LTF: variants seen among roughly 807,000 people sequenced by gnomAD.
LTF encodes epididymis luminal protein 110.
Under a neutral mutation model 87.2 loss-of-function variants are expected in LTF, and 91 were observed. The observed-to-expected ratio is 1.04, with a 90% CI of 0.88 to 1.24. The LOEUF (loss-of-function observed/expected upper bound fraction) is 1.24. Ranked by LOEUF, LTF falls within the 50% of genes most tolerant of loss-of-function variation. The pLI is 0.00. For synonymous variants in LTF, 378 were observed against 356.1 expected, an observed-to-expected ratio of 1.06 and a Z score of -0.69; for missense variants, 901 against 904.3, an observed-to-expected ratio of 1.00 and a Z score of 0.05.
intron 2 of LTF, 139 bp downstream of exon 2, chr3:46,459,517 C>T: frequency 1.3e-6 from 1 of 775,674 alleles, no homozygotes; most frequent in Non-Finnish European, 1.8e-6. Context: ...GCACAGTTCC[C>T]TGTGAGAGAG....
rs963980145 is a variant in LTF at position 46,436,204 on chromosome 3, G to A, written c.2124C>T (p.Leu708=). The part of the protein sequence containing the change: ...TSPLLEACEF[L]RK Reference sequence around the variant, plus strand: ...GCCATCTTCTTCGGTTTTACTTCCTGAGGAATTCACAGGCTTCCAGGAGGG... The same window carrying A: ...GCCATCTTCTTCGGTTTTACTTCCTAAGGAATTCACAGGCTTCCAGGAGGG... Residue 708 remains leucine (L), a synonymous_variant, in exon 17 of 17, where the codon CTC becomes CTT. Coordinates refer to ENST00000231751, the MANE Select transcript of LTF (RefSeq NM_002343.6). 4.3e-6 allele frequency: 7 copies of A among 1,614,086 alleles called. No homozygotes were observed. The highest frequency in any genetic ancestry group is 1.3e-5 in the African/African-American group (1 of 74,946).
chr3:46,450,354 G>A, intron 7 of LTF, 141 bp downstream of exon 7: 2 of 880,120 alleles, frequency 2.3e-6, no homozygotes, highest in East Asian at 5.3e-5. Context: ...AGTACAGCCT[G>A]GGCAAGCAGC....
chr3:46,467,501 G>A (rs934827005), upstream of LTF, among the ~76,000 whole-genome samples: 4 of 152,158 alleles, frequency 2.6e-5, no homozygotes, highest in African/African-American at 9.7e-5. Context: ...ATTTCTACAG[G>A]TAGAGCATTC....
At chr3:46,473,904 G>T (rs1283974579) in intron 1 of LTF, among the ~76,000 whole-genome samples, 1 of 152,204 alleles carries the variant, frequency 6.6e-6, no homozygotes, top group Non-Finnish European at 1.5e-5. Flanking sequence ...AGTAGGCTGT[G>T]ATAAATCATG....
At chr3:46,441,591 C>A in intron 13 of LTF, 108 bp from the exon 14 acceptor site, 1 of 775,412 alleles carries the variant, frequency 1.3e-6, no homozygotes, top group Non-Finnish European at 2.2e-6. Flanking sequence ...AAGTAAACAT[C>A]TAAAAGACAA....
rs181572670 is a variant in LTF at position 46,451,550 on chromosome 3, T to G, written c.704-877A>C. 4.9e-3 allele frequency among the ~76,000 whole-genome samples: 746 copies of G among 151,400 alleles called. 6 individuals are homozygous for G. Among genetic ancestry groups the G allele is most frequent in the African/African-American group, 0.017 (700 of 41,244 alleles). ...GTGTTCAACATCTATTTGTGTGTGG[T>G]TTTTTTTTCAGCCTCAGAAAAATAG... On this transcript the variant is annotated intron_variant, in intron 6 of 16. Transcript: ENST00000231751.
At chr3:46,470,951 C>A (rs1308167618) in intron 1 of LTF, among the ~76,000 whole-genome samples, 1 of 152,198 alleles carries the variant, frequency 6.6e-6, no homozygotes, top group East Asian at 1.9e-4. Flanking sequence ...TGCAGACATT[C>A]ATGAGCCCCC....
rs1057450919 is a variant in LTF at position 46,437,496 on chromosome 3, A to G, written c.2098+444T>C. On this transcript the variant is annotated intron_variant, in intron 16 of 16. Transcript: ENST00000231751. ...ACACCACACCAGGCTAATTTTTAAA[A>G]TTATTTTTGTAGAACAAGGTCTCTC... Among the ~76,000 whole-genome samples, 20 of 151,980 alleles carry G rather than the reference A, an allele frequency of 1.3e-4. 1 individual carries two copies. In the Middle Eastern group the frequency reaches 0.01, roughly 78 times the overall value.
In LTF at chr3:46,438,062, T is replaced by G. The variant is rs1044438983; in HGVS notation, c.1976A>C (p.Asn659Thr). The G allele has an allele frequency of 1.1e-5, 18 of 1,613,586 alleles. No individual in the cohort carries two copies. Among genetic ancestry groups the G allele is most frequent in the Non-Finnish European group, 1.5e-5 (18 of 1,179,740 alleles). Residue 659 changes from asparagine (N) to threonine (T), a missense_variant, in exon 16 of 17, where the codon AAC (asparagine) becomes ACC (threonine). By Grantham distance (65) the Asn-to-Thr change is moderately conservative. Coordinates refer to ENST00000231751, the MANE Select transcript of LTF (RefSeq NM_002343.6). ...KFCLFQSETKNLLFNDNTECL... is the reference protein window; with the variant it reads ...KFCLFQSETKTLLFNDNTECL... ...CTCAGTGTTGTCATTGAACAGAAGG[T>G]TTTTGGTTTCAGACTGGAATAAGCA...
At chr3:46,470,965 G>A (rs1418228916) in intron 1 of LTF, among the ~76,000 whole-genome samples, 3 of 152,224 alleles carry the variant, frequency 2.0e-5, no homozygotes, top group Non-Finnish European at 4.4e-5. Context: ...AGCCCCCACT[G>A]TGTGCAAAAA....
chr3:46,472,705 G>A (rs1703309552), intron 1 of LTF, among the ~76,000 whole-genome samples: 1 of 152,032 alleles, frequency 6.6e-6, no homozygotes, highest in African/African-American at 2.4e-5. Context: ...ATGTGTTGTT[G>A]GAGGAATTAG....
chr3:46,438,854 A>G (rs1372133707), intron 15 of LTF, among the ~76,000 whole-genome samples: 1 of 152,196 alleles, frequency 6.6e-6, no homozygotes, highest in Non-Finnish European at 1.5e-5. Flanking sequence ...AGAGCCCTAA[A>G]TCTATAGGGC....
intron 9 of LTF, among the ~76,000 whole-genome samples, chr3:46,447,887 A>G (rs541867328): frequency 1.3e-4 from 20 of 152,326 alleles, no homozygotes; most frequent in South Asian, 4.1e-4. Context: ...GTAGTATGAA[A>G]CTTCCTCTTT....
chr3:46,464,939 G>A, upstream of LTF: 2 of 1,521,612 alleles, frequency 1.3e-6, no homozygotes, highest in Non-Finnish European at 1.8e-6. Flanking sequence ...CCTTTATTCA[G>A]GGCTTTGCCC....
chr3:46,484,059 T>C (rs754150586), intron 1 of LTF, among the ~76,000 whole-genome samples: 1 of 152,166 alleles, frequency 6.6e-6, no homozygotes, highest in Non-Finnish European at 1.5e-5. Context: ...AGAGATGCCC[T>C]TGGAAGGCCC....
intron 1 of LTF, among the ~76,000 whole-genome samples, chr3:46,472,527 TGAGAGA>T (rs374266932): frequency 1.8e-4 from 23 of 130,822 alleles, no homozygotes; most frequent in African/African-American, 4.5e-4. Flanking sequence ...TGTGTGTGTG[TGAGAGA>T]GAGAGAGAGA....
intron 13 of LTF, chr3:46,441,986 T>G: frequency 8.9e-6 from 1 of 112,748 alleles, no homozygotes; most frequent in Admixed American, 8.6e-5. Flanking sequence ...TGTGTGTGTG[T>G]GTATGCATGT....
chr3:46,439,339 A>C lies in LTF; in HGVS notation c.1865T>G (p.Met622Arg), dbSNP rs749802528. The C allele has an allele frequency of 2.3e-5, 37 of 1,614,066 alleles. No homozygotes were observed. The Admixed American group carries it at 6.0e-4, about 26-fold the overall frequency. ...MAPNHAVVSRMDKVERLKQVL... is the reference protein window; with the variant it reads ...MAPNHAVVSRRDKVERLKQVL... ...CTGTTTCAGGCGTTCCACCTTATCC[A>C]TCCGAGACACCACGGCATGATTCGG... is the stretch of plus-strand genomic sequence containing the variant. Residue 622 changes from methionine to arginine, a missense_variant, in exon 15 of 17, where the codon ATG (methionine) becomes AGG (arginine). Met to Arg is a moderately conservative substitution (Grantham distance 91). Transcript: ENST00000231751.
intron 2 of LTF, among the ~76,000 whole-genome samples, chr3:46,459,383 T>C (rs895754390): frequency 6.6e-5 from 10 of 152,256 alleles, no homozygotes; most frequent in Non-Finnish European, 1.5e-4. Flanking sequence ...TACAACTGAT[T>C]ACATTTCATT....
Sources: allele counts gnomAD v4.1 joint callset (sites outside exome capture counted in the v4.1 genomes callset), GRCh38; gene constraint gnomAD v4.1.1; transcripts MANE v1.5; gene names NCBI Gene and HGNC (gene_info 2026-07-23, HGNC 2026-07-21).